Variants in RAPGEF6 observed in about 807,000 individuals in gnomAD.
RAPGEF6 encodes Rap guanine nucleotide exchange factor 6, also known as PDZ domain containing guanine nucleotide exchange factor (GEF) 2.
Under a neutral mutation model 171.4 loss-of-function variants are expected in RAPGEF6, and 56 were observed. That is an observed-to-expected ratio of 0.33 (90% CI 0.26 to 0.41). The LOEUF is 0.41. RAPGEF6 is among the 10% of genes least tolerant of loss of function. The pLI, the probability that RAPGEF6 is intolerant of heterozygous loss-of-function variation, is 1.00. For synonymous variants in RAPGEF6, 692 were observed against 650.1 expected (o/e 1.06, Z -0.98); for missense variants, 1,674 against 1,921.4 (o/e 0.87, Z 2.41).
At chr5:131,582,368 G>T (rs1474680950) in intron 4 of RAPGEF6, among the ~76,000 whole-genome samples, 2 of 152,160 alleles carry the variant, frequency 1.3e-5, no homozygotes, top group Non-Finnish European at 2.9e-5. Context: ...AACAAATGGT[G>T]CTGGAACAAT....
At chr5:131,503,249 G>A (rs1375215321) in intron 11 of RAPGEF6, among the ~76,000 whole-genome samples, 4 of 152,132 alleles carry the variant, frequency 2.6e-5, no homozygotes, top group Admixed American at 6.5e-5. Flanking sequence ...CTCTCAAATC[G>A]TTCAGAAAAA....
chr5:131,500,231 G>C (rs914620907), intron 11 of RAPGEF6, among the ~76,000 whole-genome samples: 2 of 152,106 alleles, frequency 1.3e-5, no homozygotes, highest in Non-Finnish European at 2.9e-5. Context: ...TACGAAAATC[G>C]TTTCTCTAGA....
At chr5:131,517,436 A>C (rs1758165428) in intron 7 of RAPGEF6, among the ~76,000 whole-genome samples, 1 of 151,090 alleles carries the variant, frequency 6.6e-6, no homozygotes, top group South Asian at 2.1e-4. Context: ...TAAAAGCAGA[A>C]ACACTAAAAA....
At chr5:131,437,050 C>A (rs945136850) in intron 24 of RAPGEF6, among the ~76,000 whole-genome samples, 7 of 152,130 alleles carry the variant, frequency 4.6e-5, no homozygotes, top group Non-Finnish European at 1.0e-4. Context: ...ATAATTTACT[C>A]TGAGCATAAT....
intron 23 of RAPGEF6, among the ~76,000 whole-genome samples, chr5:131,442,146 A>G (rs75712869): frequency 0.015 from 2,358 of 152,328 alleles, 46 homozygotes; most frequent in African/African-American, 0.049. Context: ...GTATTATAGG[A>G]AATTCAATGT....
intron 23 of RAPGEF6, among the ~76,000 whole-genome samples, chr5:131,440,674 G>A (rs1417762246): frequency 6.9e-6 from 1 of 144,774 alleles, no homozygotes; most frequent in Non-Finnish European, 1.5e-5. Context: ...GGAAACGGAG[G>A]TTTCAGTGAG....
At chr5:131,462,721 A>T (rs1754021270) in intron 18 of RAPGEF6, among the ~76,000 whole-genome samples, 1 of 152,220 alleles carries the variant, frequency 6.6e-6, no homozygotes, top group Non-Finnish European at 1.5e-5. Context: ...ACAGCACTTA[A>T]AAGTAAGAGA....
chr5:131,445,063 C>T (rs922136440), intron 22 of RAPGEF6, among the ~76,000 whole-genome samples: 1 of 152,162 alleles, frequency 6.6e-6, no homozygotes, highest in Non-Finnish European at 1.5e-5. Context: ...ATAAAATGTA[C>T]TCCCAACCCT....
intron 1 of RAPGEF6, among the ~76,000 whole-genome samples, chr5:131,623,485 T>A (rs1308813230): frequency 6.7e-6 from 1 of 148,958 alleles, no homozygotes; most frequent in African/African-American, 2.5e-5. Context: ...TGCTTTTTTT[T>A]TTTTTTTTTT....
intron 18 of RAPGEF6, chr5:131,463,828 C>T (rs1005497326): frequency 4.1e-6 from 5 of 1,214,208 alleles, no homozygotes; most frequent in East Asian, 3.5e-5. Flanking sequence ...TTGTATCATT[C>T]AGCTTCCTCT....
chr5:131,631,483 C>G (rs1422941064), intron 1 of RAPGEF6, among the ~76,000 whole-genome samples: 1 of 152,220 alleles, frequency 6.6e-6, no homozygotes, highest in Non-Finnish European at 1.5e-5. Context: ...GCTAACCCTA[C>G]AAAATATTTC....
intron 15 of RAPGEF6, among the ~76,000 whole-genome samples, chr5:131,482,092 A>T (rs997160257): frequency 7.9e-5 from 12 of 152,226 alleles, no homozygotes; most frequent in Non-Finnish European, 4.4e-5. Flanking sequence ...GGGTTTCAAC[A>T]GAAGGATGAT....
chr5:131,456,167 A>C (rs1397655733), intron 19 of RAPGEF6, among the ~76,000 whole-genome samples, 155 bp from the exon 20 acceptor site: 1 of 152,240 alleles, frequency 6.6e-6, no homozygotes, highest in Admixed American at 6.5e-5. Context: ...AGAAAAAAAT[A>C]AATAAGAGAC....
rs1023440706 is a variant in RAPGEF6, at chr5:131,462,164, G to T, written c.2481-76C>A. 1.1e-5 allele frequency: 13 copies of T among 1,151,068 alleles called. No individual in the cohort carries two copies. In the Admixed American group the frequency reaches 2.5e-4, roughly 22 times the overall value. 71.3% of individuals were successfully genotyped at this position (1,151,068 alleles called of 1,614,324 possible). The stretch of plus-strand genomic sequence containing the variant: ...AAGAGCACTTTTCCTTTTTGTCGTT[G>T]TAAAATATCATTTTACTGTTAATAA... On this transcript the variant is annotated intron_variant, in intron 18 of 27. Coordinates refer to ENST00000509018, the MANE Select transcript of RAPGEF6 (RefSeq NM_016340.6).
Position 131,461,782 on chromosome 5 carries a change from C to T in RAPGEF6, c.2787G>A (p.Lys929=). The T allele has an allele frequency of 6.2e-7, 1 of 1,613,014 alleles. No individual in the cohort carries two copies. The highest frequency in any genetic ancestry group is 2.2e-5 in the East Asian group (1 of 44,850). The change falls in exon 19 of 28, where the codon AAG becomes AAA. Residue 929 remains lysine, a synonymous_variant. Coordinates refer to ENST00000509018, the MANE Select transcript of RAPGEF6 (RefSeq NM_016340.6). ...CAATTTTAATAAAATGCTTAATAAT[C>T]TTCATTCGTTTGAGCTGATTTGCTT... ...LTEANQLKRM[K]IIKHFIKIAL...
chr5:131,444,533 T>A (rs1171461666), intron 22 of RAPGEF6, among the ~76,000 whole-genome samples: 3 of 152,202 alleles, frequency 2.0e-5, no homozygotes, highest in African/African-American at 7.2e-5. Flanking sequence ...GGGCTTCGGA[T>A]AGTGACTATT....
chr5:131,610,013 G>A (rs766318266), intron 1 of RAPGEF6, among the ~76,000 whole-genome samples: 5 of 152,136 alleles, frequency 3.3e-5, no homozygotes, highest in African/African-American at 9.7e-5. Flanking sequence ...CTCACAGAAC[G>A]CTGTAATAAC....
chr5:131,490,645 T>C (rs1018350796), intron 14 of RAPGEF6, among the ~76,000 whole-genome samples: 8 of 152,204 alleles, frequency 5.3e-5, no homozygotes, highest in Non-Finnish European at 1.2e-4. Context: ...GTGACTTTAG[T>C]ATTCTGAGGG....
chr5:131,549,681 T>TAA (rs963680900), intron 5 of RAPGEF6, among the ~76,000 whole-genome samples: 1 of 146,230 alleles, frequency 6.8e-6, no homozygotes, highest in Non-Finnish European at 1.5e-5. Context: ...CCCTGTCTCT[T>TAA]AAAAAAAAAA....
Sources: gnomAD v4.1 joint callset for allele counts (sites outside exome capture counted in the v4.1 genomes callset) on GRCh38, gnomAD v4.1.1 for gene constraint, MANE v1.5 for transcripts, NCBI Gene and HGNC (gene_info 2026-07-23, HGNC 2026-07-21) for gene names.